The following FZR1 variants were observed in gnomAD, a reference collection of about 807,000 sequenced individuals.
FZR1 encodes the protein fizzy-related protein homolog.
In FZR1, 11 loss-of-function variants were observed where a neutral mutation model predicts 63.6. That is an observed-to-expected ratio of 0.17 (90% CI 0.11 to 0.29). The LOEUF (loss-of-function observed/expected upper bound fraction) is 0.29, where lower values mean the gene tolerates loss of function less well. Among genes scored for constraint, FZR1 ranks in the 10% least tolerant of loss-of-function variants. The pLI, the probability that FZR1 is intolerant of heterozygous loss-of-function variation, is 1.00. For synonymous variants in FZR1, 328 were observed against 297.9 expected, an observed-to-expected ratio of 1.10 and a Z score of -1.04; for missense variants, 440 against 687.5, an observed-to-expected ratio of 0.64 and a Z score of 4.03.
rs779037637 is a variant in FZR1, at chr19:3,515,264, C to T, written c.-34-7692C>T. ...TCGACCCGGTCTGAGCCTTTCCACA[C>T]GGCCACACACGTTGTCTGTGCTCAG... On this transcript the variant is annotated intron_variant, in intron 1 of 13. Transcript: ENST00000441788. This position sits in a 1 kb window ranked among gnomAD's most constrained non-coding sequence, Gnocchi z 4.6. Among the ~76,000 whole-genome samples the T allele has an allele frequency of 6.6e-6, 1 of 152,228 alleles. No individual in the cohort carries two copies. Among genetic ancestry groups the T allele is most frequent in the Non-Finnish European group, 1.5e-5 (1 of 68,038 alleles).
rs2029991691 is a variant in FZR1, at chr19:3,536,856, G to C, written c.*2020G>C. ...CTGGAGCTGCAGAAGCAGCTTCTGAGGGGCTTCCCAGGCCTGCATTTCACA... is the reference window on the plus strand; with the variant it reads ...CTGGAGCTGCAGAAGCAGCTTCTGACGGGCTTCCCAGGCCTGCATTTCACA... On this transcript the variant is annotated 3_prime_UTR_variant, in exon 14 of 14. Transcript: ENST00000441788. 1 of 152,254 alleles carries C rather than the reference G, an allele frequency of 6.6e-6. No individual in the cohort carries two copies. Among genetic ancestry groups the C allele is most frequent in the African/African-American group, 2.4e-5 (1 of 41,468 alleles). The allele number at this position is 152,254 out of a possible 1,614,324, so 9.4% of individuals were successfully genotyped here. A position where few individuals can be genotyped will look rare whatever the true frequency, so the allele number is the denominator to read the frequency against.
At chr19:3,523,799 A>G (rs2083125957) in intron 2 of FZR1, among the ~76,000 whole-genome samples, 1 of 152,174 alleles carries the variant, frequency 6.6e-6, no homozygotes, top group Non-Finnish European at 1.5e-5. Context: ...GTCCCATCGC[A>G]GCTCCCTCAG....
chr19:3,516,271 G>A lies in FZR1; in HGVS notation c.-34-6685G>A, dbSNP rs1009428418. Among the ~76,000 whole-genome samples, 4 of 152,194 alleles carry A rather than the reference G, an allele frequency of 2.6e-5. No individual in the cohort carries two copies. The highest frequency in any genetic ancestry group is 5.9e-5 in the Non-Finnish European group (4 of 68,032). On this transcript the variant is annotated intron_variant, in intron 1 of 13. Transcript: ENST00000441788. The surrounding 1 kb of genome is among the most constrained non-coding windows in gnomAD (Gnocchi z 6.0). Reference sequence around the variant, plus strand: ...GACGGGCGGGAGGGTGGTGTCCTCGGTTGGATTGGCAGCTCCTGACTGCGA... The same window carrying A: ...GACGGGCGGGAGGGTGGTGTCCTCGATTGGATTGGCAGCTCCTGACTGCGA...
chr19:3,508,108 T>G (rs1451106470), intron 1 of FZR1, among the ~76,000 whole-genome samples: 5 of 118,656 alleles, frequency 4.2e-5, no homozygotes, highest in African/African-American at 6.7e-5. Flanking sequence ...GTGGTGGGGG[T>G]AGGGGTTGGG....
In FZR1 at chr19:3,526,998, C is replaced by A; in HGVS notation, c.406C>A (p.Arg136Ser). ...TCCACAGTATTCCCTTAGCACCAAGCGCTCCAGCCCCGATGACGGCAACGA... is the reference window on the plus strand; with the variant it reads ...TCCACAGTATTCCCTTAGCACCAAGAGCTCCAGCCCCGATGACGGCAACGA... ...GLFTYSLSTK[R>S]SSPDDGNDVS... The change falls in exon 6 of 14, where the codon CGC becomes AGC. Residue 136 changes from arginine to serine, a missense_variant. Arg to Ser is a moderately radical substitution (Grantham distance 110). Around this residue, in one of 5 missense-constraint regions of FZR1, gnomAD observed 200 missense variants for 245.1 expected, o/e 0.82. Coordinates refer to ENST00000441788, the MANE Select transcript of FZR1 (RefSeq NM_016263.4). The surrounding 1 kb of genome is among the most constrained non-coding windows in gnomAD (Gnocchi z 5.4). The A allele has an allele frequency of 6.2e-7, 1 of 1,611,920 alleles. No individual in the cohort carries two copies. The highest frequency in any genetic ancestry group is 8.5e-7 in the Non-Finnish European group (1 of 1,179,368).
chr19:3,519,126 T>A (rs186748506), intron 1 of FZR1, among the ~76,000 whole-genome samples: 4 of 152,274 alleles, frequency 2.6e-5, no homozygotes, highest in Admixed American at 6.5e-5. Flanking sequence ...GGGCCCCCCA[T>A]GCGAGGCTGG....
In FZR1 at chr19:3,534,226, TTAA is replaced by T. The variant is rs2122031069; in HGVS notation, c.1348-194_1348-192del. On this transcript the variant is annotated intron_variant, in intron 12 of 13. Coordinates refer to ENST00000441788, the MANE Select transcript of FZR1 (RefSeq NM_016263.4). ...GACAGAGCCAGACCCCGTCTTAAAA[TTAA>T]AAAAAAAAAAAAAAAAAAGGCTCCA... is the stretch of plus-strand genomic sequence containing the variant. 2.8e-5 allele frequency: 11 copies of T among 391,120 alleles called. No individual in the cohort carries two copies. In the East Asian group the frequency reaches 4.4e-4, roughly 16 times the overall value. 24.2% of individuals were successfully genotyped at this position (391,120 alleles called of 1,614,324 possible).
intron 6 of FZR1, 135 bp downstream of exon 6, chr19:3,527,197 T>C (rs962696873): frequency 2.1e-5 from 16 of 748,680 alleles, no homozygotes; most frequent in Non-Finnish European, 3.7e-5. Context: ...TCCCAGGGCA[T>C]AGTGGCCTGG....
chr19:3,530,426 GGGAGAGCGGA>G (rs2083233311), intron 7 of FZR1, among the ~76,000 whole-genome samples: 1 of 75,652 alleles, frequency 1.3e-5, no homozygotes, highest in Non-Finnish European at 3.0e-5. Flanking sequence ...GAGAGCGCAT[GGGAGAGCGGA>G]TGGGAGAGCG....
intron 1 of FZR1, among the ~76,000 whole-genome samples, chr19:3,521,056 C>T (rs1365719535): frequency 6.6e-6 from 1 of 152,226 alleles, no homozygotes; most frequent in African/African-American, 2.4e-5. Context: ...CCTTTCATGG[C>T]TGGGTCGTGT....
At position 3,525,730 on chromosome 19, in the gene FZR1, C is replaced by A. The variant is rs2083149889; in HGVS notation, c.70-138C>A. 1.9e-6 allele frequency: 2 copies of A among 1,033,616 alleles called. No individual in the cohort carries two copies. The highest frequency in any genetic ancestry group is 2.8e-6 in the Non-Finnish European group (2 of 711,240). The allele number at this position is 1,033,616 out of a possible 1,614,324, so 64.0% of individuals were successfully genotyped here. On this transcript the variant is annotated intron_variant, in intron 2 of 13. Transcript: ENST00000441788. The surrounding 1 kb of genome is among the most constrained non-coding windows in gnomAD (Gnocchi z 4.2). ...GTGCTGGGATTACGGGCGTGAGCCACCGCGCCTGGCCCACCCCTTGGGTTT... is the reference window on the plus strand; with the variant it reads ...GTGCTGGGATTACGGGCGTGAGCCAACGCGCCTGGCCCACCCCTTGGGTTT...
At chr19:3,512,676 G>A (rs1460824407) in intron 1 of FZR1, among the ~76,000 whole-genome samples, 1 of 152,132 alleles carries the variant, frequency 6.6e-6, no homozygotes, top group Non-Finnish European at 1.5e-5. Context: ...TGGTGCTGGT[G>A]GGGGGCTCAC....
At chr19:3,509,025 G>A (rs1352621714) in intron 1 of FZR1, among the ~76,000 whole-genome samples, 1 of 152,232 alleles carries the variant, frequency 6.6e-6, no homozygotes, top group Non-Finnish European at 1.5e-5. Flanking sequence ...AGGAAAGGGA[G>A]TGTTTGACCT....
At chr19:3,520,062 T>A (rs771336759) in intron 1 of FZR1, among the ~76,000 whole-genome samples, 5 of 152,196 alleles carry the variant, frequency 3.3e-5, no homozygotes, top group Admixed American at 2.6e-4. Flanking sequence ...GGCTCAGGTC[T>A]CTATAGACCC....
intron 2 of FZR1, among the ~76,000 whole-genome samples, chr19:3,524,691 C>A (rs1444725189): frequency 6.6e-6 from 1 of 152,120 alleles, no homozygotes; most frequent in South Asian, 2.1e-4. Context: ...GTGGGCAGGG[C>A]CACGCTTCCT....
At position 3,515,037 on chromosome 19, in the gene FZR1, C is replaced by T. The variant is rs1043615870; in HGVS notation, c.-34-7919C>T. Among the ~76,000 whole-genome samples, 6 of 152,172 alleles carry T rather than the reference C, an allele frequency of 3.9e-5. No individual in the cohort carries two copies. Among genetic ancestry groups the T allele is most frequent in the Non-Finnish European group, 5.9e-5 (4 of 68,012 alleles). On this transcript the variant is annotated intron_variant, in intron 1 of 13. Coordinates refer to ENST00000441788, the MANE Select transcript of FZR1 (RefSeq NM_016263.4). The surrounding 1 kb of genome is among the most constrained non-coding windows in gnomAD (Gnocchi z 4.6). ...CAAGGGGATGGGGCAGCAGGAAGCC[C>T]GGTGGCCCAGGGCCCGGGTCCACCA... is the stretch of plus-strand genomic sequence containing the variant.
At chr19:3,517,169 T>A (rs1248189757) in intron 1 of FZR1, among the ~76,000 whole-genome samples, 1 of 142,604 alleles carries the variant, frequency 7.0e-6, no homozygotes. Context: ...GCAGGCAGAT[T>A]GCTTGAGCCC....
chr19:3,516,269 C>T lies in FZR1; in HGVS notation c.-34-6687C>T, dbSNP rs553812654. Among the ~76,000 whole-genome samples the T allele has an allele frequency of 1.3e-3, 192 of 152,276 alleles. No individual in the cohort carries two copies. Among genetic ancestry groups the T allele is most frequent in the South Asian group, 2.3e-3 (11 of 4,820 alleles). On this transcript the variant is annotated intron_variant, in intron 1 of 13. Transcript: ENST00000441788. The surrounding 1 kb of genome is among the most constrained non-coding windows in gnomAD (Gnocchi z 6.0). The stretch of plus-strand genomic sequence containing the variant: ...CTGACGGGCGGGAGGGTGGTGTCCT[C>T]GGTTGGATTGGCAGCTCCTGACTGC...
At chr19:3,534,587 C>A in intron 13 of FZR1, 74 bp downstream of exon 13, 1 of 1,047,062 alleles carries the variant, frequency 9.6e-7, no homozygotes, top group South Asian at 1.3e-5. Context: ...CCCCACTGTC[C>A]TCGGGCGTAC....
Sources: allele counts gnomAD v4.1 joint callset (sites outside exome capture counted in the v4.1 genomes callset), GRCh38; gene constraint gnomAD v4.1.1; regional missense constraint gnomAD v4.1.1; non-coding constraint Gnocchi (gnomAD v3.1); transcripts MANE v1.5; gene names NCBI Gene and HGNC (gene_info 2026-07-23, HGNC 2026-07-21).